The following SLC4A4 variants were observed in gnomAD, a reference collection of about 807,000 sequenced individuals.
The protein encoded by SLC4A4 is electrogenic sodium bicarbonate cotransporter 1.
A neutral mutation model predicts 111.5 loss-of-function variants in SLC4A4; 27 were observed. The ratio of observed to expected loss-of-function variants is 0.24; its 90% CI spans 0.18 to 0.33. SLC4A4 has a LOEUF of 0.33. Ranked by LOEUF, SLC4A4 falls within the 10% of genes least tolerant of loss-of-function variation. The pLI is 1.00. For synonymous variants in SLC4A4, 443 were observed against 463.4 expected, an observed-to-expected ratio of 0.96 and a Z score of 0.57; for missense variants, 909 against 1,315.5, an observed-to-expected ratio of 0.69 and a Z score of 4.78.
intron 3 of SLC4A4, among the ~76,000 whole-genome samples, chr4:71,311,133 AG>A (rs1264111943): frequency 6.6e-6 from 1 of 152,250 alleles, no homozygotes; most frequent in African/African-American, 2.4e-5. Context: ...CAATGCAACA[AG>A]AAGAGCTAAC....
At chr4:71,088,021 T>C (rs1742243488) in intron 1 of SLC4A4, among the ~76,000 whole-genome samples, 1 of 152,000 alleles carries the variant, frequency 6.6e-6, no homozygotes, top group Admixed American at 6.5e-5. Flanking sequence ...AATCTCCCAT[T>C]ATTATTGTGT....
intron 3 of SLC4A4, among the ~76,000 whole-genome samples, chr4:71,317,929 G>A (rs1377286): frequency 0.085 from 12,926 of 151,964 alleles, 925 homozygotes; most frequent in Admixed American, 0.23. Context: ...CATAATAAGC[G>A]CTATTTATTA....
At chr4:71,064,264 T>C (rs1741459540) in intron 1 of SLC4A4, among the ~76,000 whole-genome samples, 1 of 152,212 alleles carries the variant, frequency 6.6e-6, no homozygotes, top group South Asian at 2.1e-4. Flanking sequence ...AGGGACAATT[T>C]TTAGTAACTT....
At chr4:71,504,328 C>G (rs1440384676) in intron 16 of SLC4A4, among the ~76,000 whole-genome samples, 2 of 151,908 alleles carry the variant, frequency 1.3e-5, no homozygotes, top group Non-Finnish European at 2.9e-5. Context: ...TTATTTTTTC[C>G]TCTGACTTGA....
Position 71,530,286 on chromosome 4 carries a change from T to A in SLC4A4, c.2167-1776T>A, listed in dbSNP as rs541822053. On this transcript the variant is annotated intron_variant, in intron 16 of 25. Transcript: ENST00000264485. Reference sequence around the variant, plus strand: ...TAACTTATATTAGGAGAGTTTATTATGTTCCAGGCAATATTGTTAAGCACT... The same window carrying A: ...TAACTTATATTAGGAGAGTTTATTAAGTTCCAGGCAATATTGTTAAGCACT... Among the ~76,000 whole-genome samples, 10 of 152,290 alleles carry A rather than the reference T, an allele frequency of 6.6e-5. No individual in the cohort carries two copies. In the East Asian group the frequency reaches 1.9e-3, roughly 29 times the overall value.
intron 10 of SLC4A4, 117 bp from the exon 11 acceptor site, chr4:71,451,068 TAAC>T (rs1366268875): frequency 1.1e-5 from 8 of 729,200 alleles, no homozygotes; most frequent in Non-Finnish European, 1.7e-5. Flanking sequence ...CAGAAAGAAA[TAAC>T]AATCTTTCAC....
intron 7 of SLC4A4, among the ~76,000 whole-genome samples, chr4:71,404,712 A>G (rs1258309346): frequency 6.6e-6 from 1 of 152,230 alleles, no homozygotes; most frequent in Non-Finnish European, 1.5e-5. Flanking sequence ...TTACAAAACC[A>G]GAAAACAGCA....
At chr4:71,223,231 A>G (rs1384384222) in intron 1 of SLC4A4, among the ~76,000 whole-genome samples, 1 of 150,182 alleles carries the variant, frequency 6.7e-6, no homozygotes, top group East Asian at 2.0e-4. Flanking sequence ...GCTGGAGTGC[A>G]GTGGCGCGAT....
At chr4:71,117,036 G>T (rs192845956) in intron 2 of SLC4A4, among the ~76,000 whole-genome samples, 73 of 152,116 alleles carry the variant, frequency 4.8e-4, no homozygotes, top group African/African-American at 1.7e-3. Flanking sequence ...GAGTACAGTG[G>T]CGTGACCATG....
chr4:71,504,553 T>G (rs1731217607), intron 16 of SLC4A4, among the ~76,000 whole-genome samples: 1 of 152,050 alleles, frequency 6.6e-6, no homozygotes, highest in South Asian at 2.1e-4. Context: ...ATTGTTTGTA[T>G]TCTATAGTAT....
chr4:71,559,965 A>T, intron 22 of SLC4A4, 128 bp from the exon 23 acceptor site: 1 of 729,428 alleles, frequency 1.4e-6, no homozygotes, highest in Admixed American at 2.0e-5. Flanking sequence ...CGTCAAGATC[A>T]GGTCTGTCAT....
At position 71,378,943 on chromosome 4, in the gene SLC4A4, C is replaced by T. The variant is rs563379636; in HGVS notation, c.731-18634C>T. 4.6e-5 allele frequency among the ~76,000 whole-genome samples: 7 copies of T among 152,286 alleles called. No individual in the cohort carries two copies. The South Asian group carries it at 1.5e-3, about 32-fold the overall frequency. On this transcript the variant is annotated intron_variant, in intron 6 of 25. Transcript: ENST00000264485. Reference sequence around the variant, plus strand: ...CTTAGACTTCTTCTTGCCCTTCACCCTCTGTACCCTTCAGTAACCATACTC... The same window carrying T: ...CTTAGACTTCTTCTTGCCCTTCACCTTCTGTACCCTTCAGTAACCATACTC...
rs141522948 is a variant in SLC4A4, at chr4:71,280,961, T to A, written c.253+25562T>A. On this transcript the variant is annotated intron_variant, in intron 3 of 25. Transcript: ENST00000264485. ...AGTTATTATGTTGCCCACTTTTTTTTAGATAATGTCTGCTACAGGAAGTGG... is the reference window on the plus strand; with the variant it reads ...AGTTATTATGTTGCCCACTTTTTTTAAGATAATGTCTGCTACAGGAAGTGG... Among the ~76,000 whole-genome samples, 261 of 152,324 alleles carry A rather than the reference T, an allele frequency of 1.7e-3. 2 individuals are homozygous for A. Among genetic ancestry groups the A allele is most frequent in the African/African-American group, 6.1e-3 (254 of 41,570 alleles).
At chr4:71,483,695 G>T (rs1578013038) in intron 14 of SLC4A4, among the ~76,000 whole-genome samples, 2 of 152,054 alleles carry the variant, frequency 1.3e-5, no homozygotes, top group East Asian at 3.9e-4. Context: ...ACCCAGTAAT[G>T]GGATGGCTGA....
At chr4:71,528,497 T>C (rs924296264) in intron 16 of SLC4A4, among the ~76,000 whole-genome samples, 2 of 152,106 alleles carry the variant, frequency 1.3e-5, no homozygotes, top group Non-Finnish European at 2.9e-5. Flanking sequence ...TTGTGTGTTG[T>C]TGAATAGAGC....
chr4:71,376,210 T>C (rs1732371951), intron 6 of SLC4A4, among the ~76,000 whole-genome samples: 2 of 150,980 alleles, frequency 1.3e-5, no homozygotes, highest in African/African-American at 2.4e-5. Flanking sequence ...TGTGTGTATA[T>C]ATATTTTTTG....
chr4:71,066,146 A>G (rs76363071), intron 1 of SLC4A4, among the ~76,000 whole-genome samples: 1,584 of 152,292 alleles, frequency 0.01, 37 homozygotes, highest in African/African-American at 0.037. Context: ...GTTAATATTT[A>G]ATCTTTGCAA....
chr4:71,548,789 T>C (rs1004488310), intron 20 of SLC4A4, among the ~76,000 whole-genome samples: 1 of 151,908 alleles, frequency 6.6e-6, no homozygotes, highest in African/African-American at 2.4e-5. Flanking sequence ...GCAAAAGCCC[T>C]CTGTTCATCT....
At chr4:71,380,273 C>T (rs1717988761) in intron 6 of SLC4A4, among the ~76,000 whole-genome samples, 1 of 152,204 alleles carries the variant, frequency 6.6e-6, no homozygotes, top group African/African-American at 2.4e-5. Context: ...CTCCAGCTAT[C>T]ATTTATTACA....
Sources: allele counts gnomAD v4.1 joint callset (sites outside exome capture counted in the v4.1 genomes callset), GRCh38; gene constraint gnomAD v4.1.1; transcripts MANE v1.5; gene names NCBI Gene and HGNC (gene_info 2026-07-23, HGNC 2026-07-21).